The following C1QTNF1 variants were observed in gnomAD, a reference collection of about 807,000 sequenced individuals.
C1QTNF1 encodes complement C1q tumor necrosis factor-related protein 1.
A neutral mutation model predicts 27.8 loss-of-function variants in C1QTNF1; 22 were observed. That is an observed-to-expected ratio of 0.79 (90% confidence interval 0.56 to 1.13). C1QTNF1 has a LOEUF of 1.13. C1QTNF1 is among the 50% of genes most tolerant of loss of function. The pLI is 0.00. For missense variants in C1QTNF1, 373 were observed against 380.2 expected, an observed-to-expected ratio of 0.98 and a Z score of 0.16; for synonymous variants, 166 against 154.3, an observed-to-expected ratio of 1.08 and a Z score of -0.56.
chr17:79,047,082 A>G (rs2072596819), intron 3 of C1QTNF1: 6 of 258,874 alleles, frequency 2.3e-5, no homozygotes, highest in Non-Finnish European at 4.4e-5. Flanking sequence ...ATAACCCTGC[A>G]CAGCCCCGTG....
rs560697485 is a variant in C1QTNF1, at chr17:79,048,820, G to C, written c.*732G>C. 6.6e-6 allele frequency: 1 copy of C among 152,156 alleles called. No individual in the cohort carries two copies. Among genetic ancestry groups the C allele is most frequent in the Non-Finnish European group, 1.5e-5 (1 of 68,026 alleles). 9.4% of individuals were successfully genotyped at this position (152,156 alleles called of 1,614,324 possible). A position where few individuals can be genotyped will look rare whatever the true frequency, so the allele number is the denominator to read the frequency against. On this transcript the variant is annotated 3_prime_UTR_variant, in exon 4 of 4. Coordinates refer to ENST00000579760, the MANE Select transcript of C1QTNF1 (RefSeq NM_030968.5). ...TGGCTCCAGGTTGGTAGAAGCAGCC[G>C]AAGGGCTCCTGACAGTGGCCAGGGA...
chr17:79,043,779 G>A lies in C1QTNF1; in HGVS notation c.-14-176G>A, dbSNP rs117500784. 8.7e-3 allele frequency: 6,322 copies of A among 724,692 alleles called. 50 individuals carry two copies. The highest frequency in any genetic ancestry group is 0.014 in the South Asian group (951 of 67,666). 44.9% of individuals were successfully genotyped at this position (724,692 alleles called of 1,614,324 possible). A position where few individuals can be genotyped will look rare whatever the true frequency, so the allele number is the denominator to read the frequency against. On this transcript the variant is annotated intron_variant, in intron 1 of 3. Coordinates refer to ENST00000579760, the MANE Select transcript of C1QTNF1 (RefSeq NM_030968.5). Reference sequence around the variant, plus strand: ...TCGTGAGTGCGTGTATGCATGCATGGGTGTGTGAGAGTGATTGTCCTCCCA... The same window carrying A: ...TCGTGAGTGCGTGTATGCATGCATGAGTGTGTGAGAGTGATTGTCCTCCCA...
chr17:79,048,713 C>A lies in C1QTNF1; in HGVS notation c.*625C>A, dbSNP rs940071292. The A allele has an allele frequency of 6.6e-6, 1 of 152,234 alleles. No homozygotes were observed. The highest frequency in any genetic ancestry group is 2.1e-4 in the South Asian group (1 of 4,836). 9.4% of individuals were successfully genotyped at this position (152,234 alleles called of 1,614,324 possible). A position where few individuals can be genotyped will look rare whatever the true frequency, so the allele number is the denominator to read the frequency against. ...GGCCTTGCCCAAGGGCTCTGCTGGT[C>A]TTTCTGAGTCACAGCTGCGAGGTGA... On this transcript the variant is annotated 3_prime_UTR_variant, in exon 4 of 4. Transcript: ENST00000579760.
intron 1 of C1QTNF1, among the ~76,000 whole-genome samples, chr17:79,029,435 T>C (rs1334968126): frequency 6.6e-6 from 1 of 152,202 alleles, no homozygotes; most frequent in Non-Finnish European, 1.5e-5. Context: ...GATCAGGTAT[T>C]CTAAGGATTA....
rs531805945 is a variant in C1QTNF1 at position 79,032,999 on chromosome 17, C to T, written c.-15+8505C>T. 6.5e-4 allele frequency among the ~76,000 whole-genome samples: 95 copies of T among 145,944 alleles called. 1 individual carries two copies. The highest frequency in any genetic ancestry group is 6.7e-4 in the Non-Finnish European group (45 of 67,362). On this transcript the variant is annotated intron_variant, in intron 1 of 3. Transcript: ENST00000579760. ...AGGAGAATTGCTTGAACCCAGGAGG[C>T]GGAGGTTGCAGCGAGCCAAGATTGT... is the stretch of plus-strand genomic sequence containing the variant.
Position 79,047,560 on chromosome 17 carries a change from T to C in C1QTNF1, c.318T>C (p.Asp106=), listed in dbSNP as rs2072619111. ...ILKGEKGDRG[D]RGLQGKYGKT... is the part of the protein sequence containing the mutation. The stretch of plus-strand genomic sequence containing the variant: ...TAGGGGAGAAGGGTGACCGCGGAGA[T>C]CGAGGCCTCCAAGGGAAATATGGCA... Residue 106 remains aspartate, a synonymous_variant, in exon 4 of 4, where the codon GAT becomes GAC. Coordinates refer to ENST00000579760, the MANE Select transcript of C1QTNF1 (RefSeq NM_030968.5). The C allele has an allele frequency of 1.3e-6, 2 of 1,528,038 alleles. No individual in the cohort carries two copies. The highest frequency in any genetic ancestry group is 2.2e-5 in the Admixed American group (1 of 46,092). 94.7% of individuals were successfully genotyped at this position (1,528,038 alleles called of 1,614,324 possible). A position where few individuals can be genotyped will look rare whatever the true frequency, so the allele number is the denominator to read the frequency against.
chr17:79,023,454 C>G (rs569006469), upstream of C1QTNF1, among the ~76,000 whole-genome samples: 3 of 152,252 alleles, frequency 2.0e-5, no homozygotes, highest in South Asian at 6.2e-4. Flanking sequence ...GGGCAGCCTA[C>G]GGGCCTTGTT....
chr17:79,033,101 A>G (rs1397918128), intron 1 of C1QTNF1, among the ~76,000 whole-genome samples: 1 of 150,482 alleles, frequency 6.6e-6, no homozygotes, highest in Non-Finnish European at 1.5e-5. Context: ...CTTAGCGCAG[A>G]GCAAAGAGGA....
chr17:79,042,913 C>T (rs915028430), intron 1 of C1QTNF1, among the ~76,000 whole-genome samples: 24 of 152,046 alleles, frequency 1.6e-4, no homozygotes, highest in African/African-American at 4.1e-4. Context: ...AGTATGCGGG[C>T]GTGCACGTGA....
chr17:79,047,014 G>A, intron 3 of C1QTNF1: 1 of 335,262 alleles, frequency 3.0e-6, no homozygotes, highest in African/African-American at 2.1e-5. Context: ...TTTGGGGCTT[G>A]GTCCCCCAGC....
chr17:79,032,819 C>A (rs932865775), intron 1 of C1QTNF1, among the ~76,000 whole-genome samples: 1 of 152,162 alleles, frequency 6.6e-6, no homozygotes, highest in Non-Finnish European at 1.5e-5. Flanking sequence ...GTAATCCCAG[C>A]ACTTTAGGAG....
rs201855971 is a variant in C1QTNF1 at position 79,044,108 on chromosome 17, C to T, written c.140C>T (p.Pro47Leu). The change falls in exon 2 of 4, where the codon CCG becomes CTG. Residue 47 changes from proline to leucine, a missense_variant. Transcript: ENST00000579760. Reference sequence around the variant, plus strand: ...GGGACTGAGGAGCTGCCGTCGCCTCCGGACCATGCCGAGAGGTGAGGGGCC... The same window carrying T: ...GGGACTGAGGAGCTGCCGTCGCCTCTGGACCATGCCGAGAGGTGAGGGGCC... The part of the protein sequence containing the change: ...WEGTEELPSP[P>L]DHAERAEEQH... The T allele has an allele frequency of 2.4e-4, 390 of 1,609,958 alleles. 2 individuals carry two copies. The East Asian group carries it at 7.7e-3, about 32-fold the overall frequency.
At chr17:79,030,505 C>CTTTCT (rs1367745397) in intron 1 of C1QTNF1, among the ~76,000 whole-genome samples, 1 of 134,092 alleles carries the variant, frequency 7.5e-6, no homozygotes. Flanking sequence ...TTCTTTCTTT[C>CTTTCT]TTTCTTTCTT....
chr17:79,033,054 GC>G (rs1200520242), intron 1 of C1QTNF1, among the ~76,000 whole-genome samples: 2 of 137,984 alleles, frequency 1.4e-5, no homozygotes, highest in Non-Finnish European at 3.0e-5. Flanking sequence ...GGTGACAAGA[GC>G]AAAACTCTGT....
chr17:79,028,977 G>A (rs547567050), intron 1 of C1QTNF1, among the ~76,000 whole-genome samples: 1 of 152,196 alleles, frequency 6.6e-6, no homozygotes, highest in African/African-American at 2.4e-5. Context: ...CTCCGGTGGT[G>A]TATTTTAAGA....
At chr17:79,045,876 G>C (rs2072557728) in intron 2 of C1QTNF1, among the ~76,000 whole-genome samples, 1 of 152,152 alleles carries the variant, frequency 6.6e-6, no homozygotes, top group Admixed American at 6.5e-5. Flanking sequence ...TTAGGGCACA[G>C]AGATCCGTTT....
chr17:79,032,548 G>A (rs2072163285), intron 1 of C1QTNF1, among the ~76,000 whole-genome samples: 1 of 152,202 alleles, frequency 6.6e-6, no homozygotes, highest in Admixed American at 6.5e-5. Context: ...ACCAGCCAGG[G>A]CTGGGGAAGA....
chr17:79,026,730 C>A (rs1226727298), intron 1 of C1QTNF1, among the ~76,000 whole-genome samples: 2 of 152,162 alleles, frequency 1.3e-5, no homozygotes, highest in East Asian at 1.9e-4. Context: ...CTACAGGACA[C>A]CACTGCCCCT....
intron 2 of C1QTNF1, among the ~76,000 whole-genome samples, chr17:79,045,196 G>C (rs2072536204): frequency 6.6e-6 from 1 of 152,162 alleles, no homozygotes; most frequent in Non-Finnish European, 1.5e-5. Context: ...AGAAGGAGGG[G>C]AAAGCTACCT....
Sources: gnomAD v4.1 joint callset for allele counts (sites outside exome capture counted in the v4.1 genomes callset) on GRCh38, gnomAD v4.1.1 for gene constraint, MANE v1.5 for transcripts, NCBI Gene and HGNC (gene_info 2026-07-23, HGNC 2026-07-21) for gene names.